The following AMBP variants were observed in gnomAD, a reference collection of about 807,000 sequenced individuals.
AMBP encodes the protein protein AMBP.
AMBP carries 37 observed loss-of-function variants against 46.3 expected under a neutral mutation model. The observed-to-expected ratio is 0.80, with a 90% confidence interval of 0.61 to 1.05. The LOEUF is 1.05. AMBP is among the 50% of genes least tolerant of loss of function. AMBP has a pLI of 0.00. For missense variants in AMBP, 475 were observed against 461.2 expected, an observed-to-expected ratio of 1.03 and a Z score of -0.27; for synonymous variants, 174 against 175.9, an observed-to-expected ratio of 0.99 and a Z score of 0.09.
At chr9:114,067,183 C>CATG (rs1476499178) in intron 6 of AMBP, among the ~76,000 whole-genome samples, 1 of 152,136 alleles carries the variant, frequency 6.6e-6, no homozygotes, top group African/African-American at 2.4e-5. Context: ...TCTTGATCTG[C>CATG]CCGCCTCACC....
chr9:114,061,542 G>GCTGGT lies in AMBP; in HGVS notation c.730_734dup (p.Ser245ArgfsTer49). 1 of 1,613,494 alleles carries GCTGGT rather than the reference G, an allele frequency of 6.2e-7. No homozygotes were observed. Among genetic ancestry groups the GCTGGT allele is most frequent in the Non-Finnish European group, 8.5e-7 (1 of 1,179,584 alleles). ...TGGATGTACCATTATAGAAATACCT[G>GCTGGT]CTGGTCATTCCCATGCAGGGACCGG... On this transcript the variant is annotated frameshift_variant, in exon 8 of 10. Coordinates refer to ENST00000265132, the MANE Select transcript of AMBP (RefSeq NM_001633.4). LOFTEE classifies it high-confidence loss of function.
intron 6 of AMBP, among the ~76,000 whole-genome samples, chr9:114,063,303 G>C (rs180788433): frequency 1.5e-4 from 23 of 152,312 alleles, no homozygotes; most frequent in Non-Finnish European, 2.9e-4. Flanking sequence ...GCCTCTGGGT[G>C]TAGAGTCCTT....
chr9:114,078,046 A>T (rs1317318938), intron 1 of AMBP, 47 bp downstream of exon 1: 1 of 1,592,202 alleles, frequency 6.3e-7, no homozygotes, highest in Non-Finnish European at 8.6e-7. Context: ...ATCTGCCTGG[A>T]CTCCCCATCA....
intron 5 of AMBP, among the ~76,000 whole-genome samples, chr9:114,070,375 C>T (rs1846732165): frequency 6.6e-6 from 1 of 152,146 alleles, no homozygotes; most frequent in Non-Finnish European, 1.5e-5. Context: ...GTAGACCCCA[C>T]TCCCAGGCCC....
intron 6 of AMBP, among the ~76,000 whole-genome samples, chr9:114,067,778 A>C (rs752398041): frequency 2.6e-5 from 4 of 152,142 alleles, no homozygotes; most frequent in Non-Finnish European, 5.9e-5. Context: ...GCGACCCAAG[A>C]CTGTTGCACC....
intron 5 of AMBP, among the ~76,000 whole-genome samples, chr9:114,071,413 G>A (rs1201126155): frequency 6.6e-6 from 1 of 152,260 alleles, no homozygotes; most frequent in African/African-American, 2.4e-5. Context: ...CAGACTTTGG[G>A]TGCCAACAAG....
intron 5 of AMBP, among the ~76,000 whole-genome samples, chr9:114,072,307 A>T (rs529294849): frequency 1.3e-4 from 20 of 152,262 alleles, no homozygotes; most frequent in African/African-American, 4.8e-4. Flanking sequence ...TGGTCCAGCC[A>T]TACCCTTACA....
intron 9 of AMBP, 51 bp downstream of exon 9, chr9:114,060,874 T>C: frequency 6.3e-7 from 1 of 1,578,520 alleles, no homozygotes; most frequent in South Asian, 1.2e-5. Flanking sequence ...CTCTCCCACC[T>C]CGACTCCAAC....
intron 6 of AMBP, among the ~76,000 whole-genome samples, chr9:114,063,363 AG>A: frequency 6.6e-6 from 1 of 152,350 alleles, no homozygotes; most frequent in South Asian, 2.1e-4. Context: ...CCCTGCCCAC[AG>A]GTGAGACCTG....
At chr9:114,061,333 C>CTGTT in intron 8 of AMBP, 91 bp downstream of exon 8, 3 of 1,583,584 alleles carry the variant, frequency 1.9e-6, no homozygotes, top group East Asian at 2.3e-5. Context: ...GGAATGCCCT[C>CTGTT]TGTTAGCTAC....
intron 9 of AMBP, 61 bp downstream of exon 9, chr9:114,060,864 C>A: frequency 6.4e-7 from 1 of 1,556,418 alleles, no homozygotes; most frequent in African/African-American, 1.4e-5. Context: ...CCTCCCAGGG[C>A]TCTCCCACCT....
At position 114,060,329 on chromosome 9, in the gene AMBP, A is replaced by T. The variant is rs1026704007; in HGVS notation, c.1028-59T>A. The T allele has an allele frequency of 5.7e-6, 9 of 1,589,240 alleles. No individual in the cohort carries two copies. In the African/African-American group the frequency reaches 9.4e-5, roughly 17 times the overall value. ...TAGGCAGGGACACTCAGGGAAGGGA[A>T]AGCAGCTGTCGCCTGGGGCCAGAAA... On this transcript the variant is annotated intron_variant, in intron 9 of 9. Transcript: ENST00000265132.
At chr9:114,062,809 G>A in intron 6 of AMBP, 51 bp from the exon 7 acceptor site, 1 of 1,551,568 alleles carries the variant, frequency 6.4e-7, no homozygotes, top group Non-Finnish European at 8.9e-7. Context: ...TGCCGCTATT[G>A]CTTTCCTGTA....
chr9:114,074,547 G>A (rs937484760), intron 3 of AMBP, among the ~76,000 whole-genome samples: 1 of 152,078 alleles, frequency 6.6e-6, no homozygotes, highest in South Asian at 2.1e-4. Flanking sequence ...ATATTCAGCC[G>A]TAACACAATT....
Position 114,075,150 on chromosome 9 carries a change from G to A in AMBP, c.261-114C>T, listed in dbSNP as rs1013460469. 6.6e-6 allele frequency: 5 copies of A among 758,926 alleles called. No homozygotes were observed. In the Admixed American group the frequency reaches 1.4e-4, roughly 21 times the overall value. 47.0% of individuals were successfully genotyped at this position (758,926 alleles called of 1,614,324 possible). On this transcript the variant is annotated intron_variant, in intron 2 of 9. Transcript: ENST00000265132. ...CCTTGGTTTTGGGGTTTTTTTGTTTGTGTGTTTTTGTTTGCTTTTTAATTC... is the reference window on the plus strand; with the variant it reads ...CCTTGGTTTTGGGGTTTTTTTGTTTATGTGTTTTTGTTTGCTTTTTAATTC...
At chr9:114,071,856 C>G (rs570307580) in intron 5 of AMBP, among the ~76,000 whole-genome samples, 1 of 152,336 alleles carries the variant, frequency 6.6e-6, no homozygotes, top group South Asian at 2.1e-4. Context: ...GACCTGCCTG[C>G]AGAAAGGAGC....
Position 114,061,406 on chromosome 9 carries a change from G to C in AMBP, c.853+18C>G. The C allele has an allele frequency of 6.2e-7, 1 of 1,614,000 alleles. No individual in the cohort carries two copies. On this transcript the variant is annotated intron_variant, in intron 8 of 9. Transcript: ENST00000265132. ...TCTTGAGGGTGCAGAGCGCACAGGGGTGGGGACCCGCACTCACCCACAGTT... is the reference window on the plus strand; with the variant it reads ...TCTTGAGGGTGCAGAGCGCACAGGGCTGGGGACCCGCACTCACCCACAGTT...
At chr9:114,065,828 CGAA>C (rs1333778234) in intron 6 of AMBP, among the ~76,000 whole-genome samples, 5 of 152,036 alleles carry the variant, frequency 3.3e-5, no homozygotes, top group Non-Finnish European at 2.9e-5. Context: ...ATAAAGCTGA[CGAA>C]GAAGAAGCAA....
rs757260378 is a variant in AMBP, at chr9:114,062,764, G to A, written c.604-6C>T. ...AGCACAGCCCTCCGGACTCTCTGCG[G>A]GGGAGAGAAAGAGAAGAAGCAGTTG... On this transcript the variant is annotated splice_polypyrimidine_tract_variant and splice_region_variant and intron_variant, in intron 6 of 9. Transcript: ENST00000265132. The A allele has an allele frequency of 5.6e-6, 9 of 1,613,884 alleles. No homozygotes were observed. Among genetic ancestry groups the A allele is most frequent in the Non-Finnish European group, 7.6e-6 (9 of 1,179,932 alleles).
Sources: gnomAD v4.1 joint callset for allele counts (sites outside exome capture counted in the v4.1 genomes callset) on GRCh38, gnomAD v4.1.1 for gene constraint, MANE v1.5 for transcripts, NCBI Gene and HGNC (gene_info 2026-07-23, HGNC 2026-07-21) for gene names.